The following KDM3B variants were observed in gnomAD, a reference collection of about 807,000 sequenced individuals.
The protein encoded by KDM3B is lysine demethylase 3B, also known as lysine-specific demethylase 3B.
A neutral mutation model predicts 170.0 loss-of-function variants in KDM3B; 10 were observed. The observed-to-expected ratio is 0.06, with a 90% CI of 0.04 to 0.10. The LOEUF is 0.10. Among genes scored for constraint, KDM3B ranks in the 10% least tolerant of loss-of-function variants. The pLI is 1.00. For synonymous variants in KDM3B, 831 were observed against 834.8 expected (o/e 1.00, Z 0.08); for missense variants, 1,394 against 2,195.2 (o/e 0.64, Z 7.29).
intron 9 of KDM3B, among the ~76,000 whole-genome samples, chr5:138,397,119 G>A (rs747099569): frequency 1.3e-5 from 2 of 151,730 alleles, no homozygotes; most frequent in East Asian, 1.9e-4. Flanking sequence ...TCACAAGGTC[G>A]GGAGATCGAG....
At position 138,375,180 on chromosome 5, in the gene KDM3B, G is replaced by C. The variant is rs747401653; in HGVS notation, c.448G>C (p.Asp150His). The C allele has an allele frequency of 6.2e-7, 1 of 1,613,018 alleles. No individual in the cohort carries two copies. The highest frequency in any genetic ancestry group is 8.5e-7 in the Non-Finnish European group (1 of 1,179,088). The part of the protein sequence containing the change: ...LLDRELRFLS[D>H]ANGLHLFQMG... ...GGATCGAGAGCTTCGGTTCCTGTCA[G>C]ATGCCAATGGGTTGCATCTGTTTCA... The change falls in exon 3 of 24, where the codon GAT (aspartate) becomes CAT (histidine). Residue 150 changes from aspartate to histidine, a missense_variant. By Grantham distance (81) the Asp-to-His change is moderately conservative. Coordinates refer to ENST00000314358, the MANE Select transcript of KDM3B (RefSeq NM_016604.4).
intron 3 of KDM3B, among the ~76,000 whole-genome samples, chr5:138,375,996 T>G (rs925511554): frequency 1.3e-5 from 2 of 151,600 alleles, no homozygotes; most frequent in African/African-American, 4.8e-5. Context: ...TTTTATTTAT[T>G]TATTTATTTT....
intron 1 of KDM3B, among the ~76,000 whole-genome samples, chr5:138,366,676 A>G (rs890178463): frequency 6.6e-6 from 1 of 152,136 alleles, no homozygotes; most frequent in Non-Finnish European, 1.5e-5. Context: ...ACCACCTTTA[A>G]AACTGTCAGT....
At chr5:138,369,604 C>G (rs565132472) in intron 1 of KDM3B, among the ~76,000 whole-genome samples, 1 of 152,168 alleles carries the variant, frequency 6.6e-6, no homozygotes, top group South Asian at 2.1e-4. Context: ...GCGTTTTTAG[C>G]CTCATTGGCT....
chr5:138,426,834 G>T (rs1260580947), intron 17 of KDM3B, 141 bp from the exon 18 acceptor site: 2 of 613,602 alleles, frequency 3.3e-6, no homozygotes, highest in Admixed American at 2.8e-5. Flanking sequence ...CTGCACTGCA[G>T]CCCGGGTGAC....
chr5:138,434,564 G>T (rs1191832310), intron 23 of KDM3B, among the ~76,000 whole-genome samples: 1 of 145,706 alleles, frequency 6.9e-6, no homozygotes. Context: ...AAAAAAAAAA[G>T]ACCTTTCCTG....
chr5:138,353,042 G>T (rs1761366982), intron 1 of KDM3B, 55 bp downstream of exon 1: 13 of 1,132,094 alleles, frequency 1.1e-5, no homozygotes, highest in Non-Finnish European at 1.4e-5. Context: ...CCTGCGGGCG[G>T]CCTCCCCGGG....
At chr5:138,408,439 A>T (rs575358229) in intron 11 of KDM3B, among the ~76,000 whole-genome samples, 12 of 151,944 alleles carry the variant, frequency 7.9e-5, no homozygotes, top group Non-Finnish European at 1.6e-4. Flanking sequence ...AAAATCTTTC[A>T]ACAAAGAAAA....
Position 138,391,512 on chromosome 5 carries a change from A to G in KDM3B, c.1880A>G (p.Lys627Arg), listed in dbSNP as rs764036554. The G allele has an allele frequency of 5.6e-6, 9 of 1,613,882 alleles. No individual in the cohort carries two copies. Among genetic ancestry groups the G allele is most frequent in the Middle Eastern group, 1.6e-4 (1 of 6,062 alleles). ...NHENLFLQPP[K>R]LSREEPSNPF... ...GAAAATCTATTTTTACAGCCCCCCA[A>G]ATTGTCCCGAGAAGAGCCTTCTAAT... Residue 627 changes from lysine (K) to arginine (R), a missense_variant, in exon 8 of 24, where the codon AAA becomes AGA. By Grantham distance (26) the Lys-to-Arg change is conservative. Coordinates refer to ENST00000314358, the MANE Select transcript of KDM3B (RefSeq NM_016604.4). This position sits in a 1 kb window ranked among gnomAD's most constrained non-coding sequence, Gnocchi z 5.0.
intron 15 of KDM3B, among the ~76,000 whole-genome samples, chr5:138,422,212 T>C (rs1763289934): frequency 6.6e-6 from 1 of 152,236 alleles, no homozygotes; most frequent in Non-Finnish European, 1.5e-5. Flanking sequence ...ATGTTTGATT[T>C]TCTGTTTCTT....
At chr5:138,387,457 G>A (rs1762298786) in intron 7 of KDM3B, among the ~76,000 whole-genome samples, 1 of 152,126 alleles carries the variant, frequency 6.6e-6, no homozygotes, top group South Asian at 2.1e-4. Flanking sequence ...ACTGTGTGCT[G>A]AGTACTGTAT....
chr5:138,381,875 G>A, intron 6 of KDM3B: 1 of 317,690 alleles, frequency 3.1e-6, no homozygotes, highest in Non-Finnish European at 5.8e-6. Context: ...ATATTTGAAA[G>A]ATATAGTAGT....
chr5:138,432,654 G>C (rs542323820), intron 23 of KDM3B, among the ~76,000 whole-genome samples: 1 of 152,250 alleles, frequency 6.6e-6, no homozygotes, highest in South Asian at 2.1e-4. Flanking sequence ...GGGCGACAGA[G>C]CGAGACACCG....
At chr5:138,378,919 G>A (rs1331527661) in intron 4 of KDM3B, among the ~76,000 whole-genome samples, 1 of 151,826 alleles carries the variant, frequency 6.6e-6, no homozygotes. Context: ...AGTCTCAAAT[G>A]TACAAGGATA....
intron 11 of KDM3B, among the ~76,000 whole-genome samples, chr5:138,404,352 C>T (rs1193752971): frequency 1.3e-5 from 2 of 152,120 alleles, no homozygotes; most frequent in African/African-American, 4.8e-5. Flanking sequence ...GCTGGCCGGG[C>T]GCCATGGCTC....
Position 138,360,215 on chromosome 5 carries a change from G to A in KDM3B, c.192+7228G>A, listed in dbSNP as rs1044713998. On this transcript the variant is annotated intron_variant, in intron 1 of 23. Coordinates refer to ENST00000314358, the MANE Select transcript of KDM3B (RefSeq NM_016604.4). ...GGAGTTTGTGGTTTTAAAAATGTTT[G>A]TGTCCTTTCATTACTTACAATTCCA... 3.3e-5 allele frequency among the ~76,000 whole-genome samples: 5 copies of A among 152,152 alleles called. No individual in the cohort carries two copies. In the East Asian group the frequency reaches 9.6e-4, roughly 29 times the overall value.
chr5:138,424,433 A>C, intron 16 of KDM3B, 92 bp downstream of exon 16: 1 of 1,424,568 alleles, frequency 7.0e-7, no homozygotes, highest in Non-Finnish European at 9.6e-7. Flanking sequence ...TGCCAGGGAG[A>C]TTTAGACATA....
At chr5:138,399,401 G>C (rs1161771878) in intron 10 of KDM3B, among the ~76,000 whole-genome samples, 2 of 151,666 alleles carry the variant, frequency 1.3e-5, no homozygotes, top group African/African-American at 2.4e-5. Flanking sequence ...AGCTGGGCTT[G>C]GTGGCGGGTG....
chr5:138,406,332 G>C (rs1762818584), intron 11 of KDM3B, among the ~76,000 whole-genome samples: 1 of 152,120 alleles, frequency 6.6e-6, no homozygotes, highest in African/African-American at 2.4e-5. Context: ...GTGACATAGT[G>C]CAACCCTGTC....
Sources: gnomAD v4.1 joint callset for allele counts (sites outside exome capture counted in the v4.1 genomes callset) on GRCh38, gnomAD v4.1.1 for gene constraint, Gnocchi (gnomAD v3.1) non-coding constraint, MANE v1.5 for transcripts, NCBI Gene and HGNC (gene_info 2026-07-23, HGNC 2026-07-21) for gene names.